Variants in ST8SIA6 observed in about 807,000 individuals in gnomAD.
ST8SIA6 encodes ST8 alpha-N-acetyl-neuraminide alpha-2,8-sialyltransferase 6.
Under a neutral mutation model 33.6 loss-of-function variants are expected in ST8SIA6, and 39 were observed. The observed-to-expected ratio is 1.16, with a 90% CI of 0.90 to 1.52. The LOEUF (loss-of-function observed/expected upper bound fraction) is 1.52. Ranked by LOEUF, ST8SIA6 falls within the 40% of genes most tolerant of loss-of-function variation. ST8SIA6 has a pLI of 0.00. For missense variants in ST8SIA6, 441 were observed against 443.8 expected, an observed-to-expected ratio of 0.99 and a Z score of 0.06; for synonymous variants, 172 against 167.2, an observed-to-expected ratio of 1.03 and a Z score of -0.22.
chr10:17,397,814 C>CG (rs935576013), intron 2 of ST8SIA6, among the ~76,000 whole-genome samples: 4 of 151,832 alleles, frequency 2.6e-5, no homozygotes, highest in African/African-American at 7.2e-5. Context: ...CAGTATGTTG[C>CG]GGGGGGGAAA....
intron 3 of ST8SIA6, among the ~76,000 whole-genome samples, chr10:17,376,402 T>C (rs1398025243): frequency 2.6e-5 from 4 of 152,100 alleles, no homozygotes; most frequent in South Asian, 2.1e-4. Context: ...GCAGTGTGTC[T>C]ACTCTAACCA....
At chr10:17,372,613 G>A (rs1240043191) in intron 3 of ST8SIA6, among the ~76,000 whole-genome samples, 1 of 152,124 alleles carries the variant, frequency 6.6e-6, no homozygotes, top group Non-Finnish European at 1.5e-5. Flanking sequence ...CACAGAAATG[G>A]TAATTGTGAC....
At chr10:17,393,664 T>C (rs1057011644) in intron 2 of ST8SIA6, among the ~76,000 whole-genome samples, 2 of 152,118 alleles carry the variant, frequency 1.3e-5, no homozygotes, top group African/African-American at 4.8e-5. Context: ...GGCAGAGAAG[T>C]GGACAGATTT....
intron 2 of ST8SIA6, among the ~76,000 whole-genome samples, chr10:17,405,446 AT>A (rs1851220346): frequency 6.6e-6 from 1 of 151,790 alleles, no homozygotes; most frequent in African/African-American, 2.4e-5. Context: ...TTATATGAAA[AT>A]TATCTTTTAA....
At chr10:17,384,281 G>GT (rs1231846486) in intron 3 of ST8SIA6, among the ~76,000 whole-genome samples, 2 of 152,222 alleles carry the variant, frequency 1.3e-5, no homozygotes, top group East Asian at 1.9e-4. Context: ...CACGAAACTC[G>GT]TAAGTATTTG....
chr10:17,344,348 G>A (rs1564411671), intron 4 of ST8SIA6, among the ~76,000 whole-genome samples: 1 of 152,186 alleles, frequency 6.6e-6, no homozygotes, highest in Non-Finnish European at 1.5e-5. Flanking sequence ...CACGTGGCTG[G>A]GGAGGCCTCC....
intron 2 of ST8SIA6, among the ~76,000 whole-genome samples, chr10:17,415,821 T>C (rs1217689911): frequency 1.2e-4 from 17 of 147,336 alleles, no homozygotes; most frequent in Non-Finnish European, 7.5e-5. Flanking sequence ...TTTTTTTTTT[T>C]TTTTTTGAGA....
chr10:17,339,072 T>G (rs562079158), intron 4 of ST8SIA6, among the ~76,000 whole-genome samples: 1 of 152,158 alleles, frequency 6.6e-6, no homozygotes, highest in Admixed American at 6.5e-5. Flanking sequence ...GCATTACAAA[T>G]TCCTTTTGAG....
At chr10:17,438,646 T>C (rs1007407464) in intron 2 of ST8SIA6, among the ~76,000 whole-genome samples, 3 of 152,242 alleles carry the variant, frequency 2.0e-5, no homozygotes, top group Admixed American at 6.5e-5. Flanking sequence ...CCTCTTTATC[T>C]TTCTCTAAGC....
At chr10:17,371,782 T>TAAAAAAAAA (rs202019274) in intron 3 of ST8SIA6, among the ~76,000 whole-genome samples, 40 of 89,116 alleles carry the variant, frequency 4.5e-4, no homozygotes, top group Non-Finnish European at 5.8e-4. Flanking sequence ...CAAGACTCCA[T>TAAAAAAAAA]TAAAAAAAAA....
At chr10:17,353,008 C>CA (rs1849083693) in intron 4 of ST8SIA6, among the ~76,000 whole-genome samples, 1 of 152,094 alleles carries the variant, frequency 6.6e-6, no homozygotes, top group East Asian at 1.9e-4. Context: ...TCAATGTAGT[C>CA]ACCCTGTATG....
At chr10:17,364,243 C>T (rs1425438174) in intron 3 of ST8SIA6, among the ~76,000 whole-genome samples, 1 of 152,124 alleles carries the variant, frequency 6.6e-6, no homozygotes, top group Non-Finnish European at 1.5e-5. Context: ...TTTTAAACAT[C>T]ACTCCCCCTA....
intron 4 of ST8SIA6, among the ~76,000 whole-genome samples, chr10:17,340,474 G>T (rs547638028): frequency 1.1e-3 from 170 of 152,294 alleles, no homozygotes; most frequent in African/African-American, 3.9e-3. Flanking sequence ...TCGGAATTAA[G>T]CTTAGACTGT....
chr10:17,339,846 A>C (rs1163632324), intron 4 of ST8SIA6, among the ~76,000 whole-genome samples: 2 of 152,254 alleles, frequency 1.3e-5, no homozygotes, highest in Non-Finnish European at 2.9e-5. Context: ...TGACACGTTC[A>C]TTCACTCATT....
At chr10:17,347,650 A>C (rs1297531586) in intron 4 of ST8SIA6, among the ~76,000 whole-genome samples, 4 of 152,144 alleles carry the variant, frequency 2.6e-5, no homozygotes, top group Non-Finnish European at 4.4e-5. Context: ...GACAGAAGTG[A>C]CTTGCAAGGA....
rs565409026 is a variant in ST8SIA6 at position 17,343,182 on chromosome 10, A to T, written c.378-11630T>A. 2.0e-4 allele frequency among the ~76,000 whole-genome samples: 30 copies of T among 152,292 alleles called. No individual in the cohort carries two copies. In the Middle Eastern group the frequency reaches 0.014, roughly 69 times the overall value. On this transcript the variant is annotated intron_variant, in intron 4 of 7. Transcript: ENST00000377602. ...TTGCTCCTGGGACAGCACAATGTAG[A>T]TGAGAAGCAGAAGGTGGAAGAAGCC...
chr10:17,347,881 G>A (rs898032546), intron 4 of ST8SIA6, among the ~76,000 whole-genome samples: 2 of 150,556 alleles, frequency 1.3e-5, no homozygotes, highest in South Asian at 4.2e-4. Context: ...GCTTGAACCC[G>A]GGAGATGGGG....
At chr10:17,339,612 G>C (rs776149923) in intron 4 of ST8SIA6, among the ~76,000 whole-genome samples, 5 of 151,994 alleles carry the variant, frequency 3.3e-5, no homozygotes, top group Admixed American at 6.6e-5. Context: ...TCTCCTGTTG[G>C]TGCCCCCTTT....
chr10:17,392,896 C>T (rs539707638), intron 2 of ST8SIA6, among the ~76,000 whole-genome samples: 5 of 152,306 alleles, frequency 3.3e-5, no homozygotes, highest in Non-Finnish European at 7.4e-5. Flanking sequence ...TCTGTGTCAA[C>T]TTGATTGGGC....
Sources: gnomAD v4.1 joint callset for allele counts (sites outside exome capture counted in the v4.1 genomes callset) on GRCh38, gnomAD v4.1.1 for gene constraint, MANE v1.5 for transcripts, NCBI Gene and HGNC (gene_info 2026-07-23, HGNC 2026-07-21) for gene names.